EFCAB11: variants seen among roughly 807,000 people sequenced by gnomAD.
EFCAB11 encodes the protein EF-hand calcium binding domain 11.
In EFCAB11, 14 loss-of-function variants were observed where a neutral mutation model predicts 23.0. The ratio of observed to expected loss-of-function variants is 0.61; its 90% CI spans 0.40 to 0.95. The LOEUF is 0.95. EFCAB11 is among the 40% of genes least tolerant of loss of function. EFCAB11 has a pLI of 0.00. For synonymous variants in EFCAB11, 65 were observed against 66.6 expected (o/e 0.98, Z 0.11); for missense variants, 198 against 195.8 (o/e 1.01, Z -0.07).
At chr14:89,947,939 A>C (rs1891036762) in intron 3 of EFCAB11, among the ~76,000 whole-genome samples, 1 of 151,828 alleles carries the variant, frequency 6.6e-6, no homozygotes, top group Non-Finnish European at 1.5e-5. Flanking sequence ...TCTCAAACAT[A>C]CTCAAAATTG....
In EFCAB11 at chr14:89,868,465, A is replaced by C. The variant is rs376201086; in HGVS notation, c.410+63076T>G. 4.8e-4 allele frequency among the ~76,000 whole-genome samples: 73 copies of C among 152,354 alleles called. No individual in the cohort carries two copies. The South Asian group carries it at 0.014, about 29-fold the overall frequency. On this transcript the variant is annotated intron_variant, in intron 5 of 5. Transcript: ENST00000316738. ...GTATGAAATTCCATCAAATTAAGGC[A>C]TTTACAAGAATACACCAAGATAAAA...
intron 5 of EFCAB11, among the ~76,000 whole-genome samples, chr14:89,915,507 T>C (rs1473240278): frequency 6.6e-6 from 1 of 152,142 alleles, no homozygotes; most frequent in Admixed American, 6.5e-5. Context: ...TCAATCTGTT[T>C]GGTTCATTAA....
Position 89,850,733 on chromosome 14 carries a change from A to C in EFCAB11, c.411-53409T>G, listed in dbSNP as rs1007501179. On this transcript the variant is annotated intron_variant, in intron 5 of 5. Coordinates refer to ENST00000316738, the MANE Select transcript of EFCAB11 (RefSeq NM_145231.4). ...TTGTCAAAATGTCCAGTGAAATTTT[A>C]CTTAATTATTTGATCACTGTAGGAC... is the stretch of plus-strand genomic sequence containing the variant. 5.3e-5 allele frequency among the ~76,000 whole-genome samples: 8 copies of C among 152,332 alleles called. No homozygotes were observed. In the East Asian group the frequency reaches 1.5e-3, roughly 29 times the overall value.
At chr14:89,908,579 C>G (rs1156684927) in intron 5 of EFCAB11, among the ~76,000 whole-genome samples, 4 of 152,048 alleles carry the variant, frequency 2.6e-5, no homozygotes, top group African/African-American at 7.2e-5. Flanking sequence ...GACTTGGGTC[C>G]CATTCTTATG....
At chr14:89,861,523 G>T (rs1887920315) in intron 5 of EFCAB11, among the ~76,000 whole-genome samples, 1 of 152,148 alleles carries the variant, frequency 6.6e-6, no homozygotes, top group Non-Finnish European at 1.5e-5. Context: ...ATTAGTACAT[G>T]CCCTGCTGAA....
intron 5 of EFCAB11, among the ~76,000 whole-genome samples, chr14:89,925,209 C>G (rs1008069031): frequency 2.0e-5 from 3 of 152,104 alleles, no homozygotes; most frequent in African/African-American, 7.2e-5. Flanking sequence ...ATCAAAGGAA[C>G]AAGTACCACG....
chr14:89,947,486 T>G (rs1873663683), intron 3 of EFCAB11, among the ~76,000 whole-genome samples: 2 of 152,218 alleles, frequency 1.3e-5, no homozygotes, highest in African/African-American at 2.4e-5. Context: ...CACTTCATCA[T>G]CACTTTCCAC....
rs956242545 is a variant in EFCAB11 at position 89,932,618 on chromosome 14, A to T, written c.227T>A (p.Leu76His). 4 of 1,613,116 alleles carry T rather than the reference A, an allele frequency of 2.5e-6. No homozygotes were observed. The African/African-American group carries it at 5.3e-5, about 22-fold the overall frequency. Residue 76 changes from leucine (L) to histidine (H), a missense_variant, in exon 4 of 6, where the codon CTC (leucine) becomes CAC (histidine). Transcript: ENST00000316738. The stretch of plus-strand genomic sequence containing the variant: ...CCTGACAATATTTAAAAACCCCTCG[A>T]GTAATATACCTAAAAGTTGGGGAAA... ...SINPNTSGIL[L>H]EGFLNIVRKK... is the part of the protein sequence containing the mutation.
chr14:89,847,637 G>A (rs1466403885), intron 5 of EFCAB11, among the ~76,000 whole-genome samples: 1 of 151,558 alleles, frequency 6.6e-6, no homozygotes, highest in Admixed American at 6.6e-5. Flanking sequence ...TACTCAGGAG[G>A]CTGAGACAGG....
At chr14:89,804,710 C>T (rs2183527) in intron 5 of EFCAB11, among the ~76,000 whole-genome samples, 1 of 152,188 alleles carries the variant, frequency 6.6e-6, no homozygotes, top group Non-Finnish European at 1.5e-5. Flanking sequence ...AGAGATCTCA[C>T]TACTTCAAAG....
At chr14:89,844,530 A>G (rs1204247718) in intron 5 of EFCAB11, among the ~76,000 whole-genome samples, 2 of 152,234 alleles carry the variant, frequency 1.3e-5, no homozygotes, top group Non-Finnish European at 2.9e-5. Flanking sequence ...GGATGAATGA[A>G]TATAAGGAAG....
At chr14:89,830,256 T>A (rs893762459) in intron 5 of EFCAB11, 2 of 152,188 alleles carry the variant, frequency 1.3e-5, no homozygotes, top group African/African-American at 4.8e-5. Flanking sequence ...AGTGTACAAA[T>A]AGACATTTAA....
In EFCAB11 at chr14:89,944,970, CTAA is replaced by C. The variant is rs553885100; in HGVS notation, c.217+5124_217+5126del. ...AATAAAATATTAGATTTTATTAGAT[CTAA>C]TAATAAATCTAATAAAATATTAGAT... is the stretch of plus-strand genomic sequence containing the variant. On this transcript the variant is annotated intron_variant, in intron 3 of 5. Transcript: ENST00000316738. Among the ~76,000 whole-genome samples the C allele has an allele frequency of 5.1e-4, 41 of 81,162 alleles. 1 individual carries two copies. The highest frequency in any genetic ancestry group is 2.0e-3 in the African/African-American group (37 of 18,680). 53.2% of individuals were successfully genotyped at this position (81,162 alleles called of 152,430 possible).
At chr14:89,798,336 T>C (rs1339098082) in intron 5 of EFCAB11, among the ~76,000 whole-genome samples, 1 of 152,260 alleles carries the variant, frequency 6.6e-6, no homozygotes, top group Admixed American at 6.5e-5. Context: ...ATAAAATGAT[T>C]GCAGACTGCA....
At chr14:89,919,759 G>C (rs537889735) in intron 5 of EFCAB11, among the ~76,000 whole-genome samples, 1 of 152,118 alleles carries the variant, frequency 6.6e-6, no homozygotes, top group Non-Finnish European at 1.5e-5. Flanking sequence ...TAGCTTCAAG[G>C]GCTGGGGTAG....
rs142997288 is a variant in EFCAB11, at chr14:89,923,073, T to C, written c.410+8468A>G. 2.7e-3 allele frequency among the ~76,000 whole-genome samples: 411 copies of C among 152,298 alleles called. 1 individual carries two copies. Among genetic ancestry groups the C allele is most frequent in the African/African-American group, 9.6e-3 (399 of 41,570 alleles). On this transcript the variant is annotated intron_variant, in intron 5 of 5. Transcript: ENST00000316738. Reference sequence around the variant, plus strand: ...TATATCCTTCATAAGTTAGCTTAAATGAAGAAACCAAAATAACATAATCTA... The same window carrying C: ...TATATCCTTCATAAGTTAGCTTAAACGAAGAAACCAAAATAACATAATCTA...
At chr14:89,810,686 G>A (rs1886121947) in intron 5 of EFCAB11, among the ~76,000 whole-genome samples, 1 of 149,542 alleles carries the variant, frequency 6.7e-6, no homozygotes, top group African/African-American at 2.5e-5. Flanking sequence ...AACTCGACAG[G>A]CAAAGGTTGC....
At chr14:89,818,805 C>T (rs1886416314) in intron 5 of EFCAB11, among the ~76,000 whole-genome samples, 1 of 152,156 alleles carries the variant, frequency 6.6e-6, no homozygotes, top group African/African-American at 2.4e-5. Context: ...TACAAAAATA[C>T]TGACTGAAAC....
chr14:89,943,195 T>C (rs1290910167), intron 3 of EFCAB11, among the ~76,000 whole-genome samples: 2 of 151,858 alleles, frequency 1.3e-5, no homozygotes, highest in Non-Finnish European at 2.9e-5. Context: ...TTTGGAAAGT[T>C]GATTACCTGA....
Sources: gnomAD v4.1 joint callset for allele counts (sites outside exome capture counted in the v4.1 genomes callset) on GRCh38, gnomAD v4.1.1 for gene constraint, MANE v1.5 for transcripts, NCBI Gene and HGNC (gene_info 2026-07-23, HGNC 2026-07-21) for gene names.